The following PCSK5 variants were observed in gnomAD, a reference collection of about 807,000 sequenced individuals.
The protein encoded by PCSK5 is proprotein convertase subtilisin/kexin type 5.
Under a neutral mutation model 233.2 loss-of-function variants are expected in PCSK5, and 129 were observed. That is an observed-to-expected ratio of 0.55 (90% confidence interval 0.48 to 0.64). The LOEUF (loss-of-function observed/expected upper bound fraction) is 0.64. PCSK5 is among the 30% of genes least tolerant of loss of function. PCSK5 has a pLI of 0.00. For synonymous variants in PCSK5, 825 were observed against 879.2 expected (o/e 0.94, Z 1.09); for missense variants, 2,076 against 2,430.1 (o/e 0.85, Z 3.06).
chr9:76,216,230 C>T (rs900903691), intron 20 of PCSK5, among the ~76,000 whole-genome samples: 7 of 152,086 alleles, frequency 4.6e-5, no homozygotes, highest in Admixed American at 1.3e-4. Context: ...TGGTGGAACC[C>T]GGCGCTCTAC....
intron 13 of PCSK5, among the ~76,000 whole-genome samples, chr9:76,174,309 A>T (rs1205376212): frequency 4.2e-4 from 60 of 143,322 alleles, no homozygotes; most frequent in East Asian, 3.0e-3. Context: ...CCAAAAAAAA[A>T]TTTTTTTTTT....
At chr9:76,164,129 C>G (rs973074407) in intron 12 of PCSK5, among the ~76,000 whole-genome samples, 10 of 152,128 alleles carry the variant, frequency 6.6e-5, no homozygotes, top group African/African-American at 2.4e-4. Context: ...TGTCACTTCC[C>G]TACCCAAATG....
At chr9:76,314,646 GT>G (rs796240072) in intron 30 of PCSK5, among the ~76,000 whole-genome samples, 1 of 151,592 alleles carries the variant, frequency 6.6e-6, no homozygotes, top group African/African-American at 2.4e-5. Flanking sequence ...AAAAGTGTTT[GT>G]TTTTTTTGAG....
At chr9:76,356,739 T>C (rs1830312926) in intron 37 of PCSK5, among the ~76,000 whole-genome samples, 2 of 152,228 alleles carry the variant, frequency 1.3e-5, no homozygotes, top group Admixed American at 6.5e-5. Flanking sequence ...GAAAGAGAAA[T>C]ACATAGTCAT....
intron 14 of PCSK5, 141 bp downstream of exon 14, chr9:76,175,270 T>G (rs776444025): frequency 3.0e-6 from 2 of 675,114 alleles, no homozygotes; most frequent in South Asian, 3.8e-5. Context: ...TGGAATGGAA[T>G]GGAATCGAAT....
rs1485253307 is a variant in PCSK5, at chr9:76,362,283, A to AG, written c.*3363dup. ...ACCAAAAGGCTGGGTAAAGCATGGG[A>AG]GGTTCCAGTTAATAGAAAGTAATTT... is the stretch of plus-strand genomic sequence containing the variant. On this transcript the variant is annotated 3_prime_UTR_variant, in exon 38 of 38. Coordinates refer to ENST00000674117, the MANE Select transcript of PCSK5 (RefSeq NM_001372043.1). 6.6e-5 allele frequency: 10 copies of AG among 152,210 alleles called. No homozygotes were observed. The highest frequency in any genetic ancestry group is 1.3e-4 in the Non-Finnish European group (9 of 68,036). 9.4% of individuals were successfully genotyped at this position (152,210 alleles called of 1,614,324 possible).
chr9:76,236,603 T>C (rs1057315427), intron 22 of PCSK5, among the ~76,000 whole-genome samples: 3 of 152,216 alleles, frequency 2.0e-5, no homozygotes, highest in Non-Finnish European at 2.9e-5. Flanking sequence ...CAAATTATCA[T>C]CCATAACTAA....
chr9:75,933,463 C>T (rs546226191), intron 2 of PCSK5, among the ~76,000 whole-genome samples: 37 of 152,190 alleles, frequency 2.4e-4, no homozygotes, highest in Non-Finnish European at 4.4e-4. Flanking sequence ...TAAGCCCCTA[C>T]CAGTGCGCAT....
At chr9:76,205,785 C>T (rs1825093808) in intron 20 of PCSK5, among the ~76,000 whole-genome samples, 1 of 152,188 alleles carries the variant, frequency 6.6e-6, no homozygotes, top group South Asian at 2.1e-4. Flanking sequence ...AAATCAAACT[C>T]ACTCTCCAGG....
chr9:76,336,978 A>C (rs955834913), intron 34 of PCSK5, among the ~76,000 whole-genome samples: 4 of 151,986 alleles, frequency 2.6e-5, no homozygotes, highest in Non-Finnish European at 4.4e-5. Context: ...TCCCTGGAAT[A>C]CTATCAGGCA....
intron 2 of PCSK5, among the ~76,000 whole-genome samples, chr9:75,979,413 G>T (rs1250864429): frequency 6.6e-6 from 1 of 152,134 alleles, no homozygotes; most frequent in African/African-American, 2.4e-5. Context: ...CTGAGAAGTT[G>T]GTGGAGTTGT....
chr9:76,336,395 G>T (rs562027667), intron 34 of PCSK5, among the ~76,000 whole-genome samples: 1 of 152,160 alleles, frequency 6.6e-6, no homozygotes, highest in Non-Finnish European at 1.5e-5. Context: ...TAGGTTTAGT[G>T]GTGCTGATGT....
chr9:76,246,720 T>C (rs996514602), intron 24 of PCSK5, among the ~76,000 whole-genome samples: 1 of 152,194 alleles, frequency 6.6e-6, no homozygotes, highest in Admixed American at 6.5e-5. Flanking sequence ...GGGGTACATA[T>C]ACACAATAGA....
At chr9:76,354,308 G>C (rs1830243365) in intron 37 of PCSK5, 89 bp downstream of exon 37, 1 of 1,050,684 alleles carries the variant, frequency 9.5e-7, no homozygotes. Flanking sequence ...GGAAAGTTCA[G>C]GAGAATCAAT....
chr9:75,944,024 G>A (rs901574926), intron 2 of PCSK5, among the ~76,000 whole-genome samples: 15 of 151,990 alleles, frequency 9.9e-5, no homozygotes, highest in Non-Finnish European at 2.2e-4. Context: ...TCAGCTGGGT[G>A]TAGTGGCATG....
At chr9:75,966,271 GTA>G (rs1825582496) in intron 2 of PCSK5, among the ~76,000 whole-genome samples, 1 of 152,218 alleles carries the variant, frequency 6.6e-6, no homozygotes, top group Non-Finnish European at 1.5e-5. Flanking sequence ...GACAGATTGT[GTA>G]TTGGTGGGGA....
intron 24 of PCSK5, among the ~76,000 whole-genome samples, chr9:76,256,375 A>C (rs1826981588): frequency 2.0e-5 from 3 of 152,248 alleles, no homozygotes; most frequent in Non-Finnish European, 4.4e-5. Context: ...TGCAGAGAGA[A>C]CTGAGCCAAG....
At chr9:76,238,897 TA>T in intron 22 of PCSK5, 61 bp from the exon 23 acceptor site, 1 of 1,212,320 alleles carries the variant, frequency 8.2e-7, no homozygotes, top group Non-Finnish European at 1.2e-6. Context: ...TCTTACATTA[TA>T]ATAGCTTCAT....
At chr9:76,006,745 A>G (rs886674582) in intron 3 of PCSK5, among the ~76,000 whole-genome samples, 8 of 152,192 alleles carry the variant, frequency 5.3e-5, no homozygotes, top group Non-Finnish European at 1.0e-4. Flanking sequence ...CACATCGGCT[A>G]GATTACCTAG....
Sources: allele counts gnomAD v4.1 joint callset (sites outside exome capture counted in the v4.1 genomes callset), GRCh38; gene constraint gnomAD v4.1.1; transcripts MANE v1.5; gene names NCBI Gene and HGNC (gene_info 2026-07-23, HGNC 2026-07-21).